PSMD11: variants seen among roughly 807,000 people sequenced by gnomAD.
PSMD11 encodes the protein proteasome 26S subunit, non-ATPase 11.
Under a neutral mutation model 62.3 loss-of-function variants are expected in PSMD11, and 5 were observed. That is an observed-to-expected ratio of 0.08 (90% CI 0.04 to 0.17). The LOEUF (loss-of-function observed/expected upper bound fraction) is 0.17. Among genes scored for constraint, PSMD11 ranks in the 10% least tolerant of loss-of-function variants. PSMD11 has a pLI of 1.00. For synonymous variants in PSMD11, 191 were observed against 191.8 expected, an observed-to-expected ratio of 1.00 and a Z score of 0.03; for missense variants, 310 against 512.9, an observed-to-expected ratio of 0.60 and a Z score of 3.82.
intron 5 of PSMD11, among the ~76,000 whole-genome samples, chr17:32,467,401 A>G (rs1368761160): frequency 1.3e-5 from 2 of 151,362 alleles, no homozygotes; most frequent in Non-Finnish European, 1.5e-5. Flanking sequence ...GTGCACCACC[A>G]TGTCCAGCTA....
chr17:32,448,910 C>T (rs1054223979), intron 2 of PSMD11, among the ~76,000 whole-genome samples: 1 of 152,148 alleles, frequency 6.6e-6, no homozygotes, highest in African/African-American at 2.4e-5. Context: ...TAACTGTCTA[C>T]TTAAATGAAT....
At chr17:32,472,588 A>G (rs1486205909) in intron 6 of PSMD11, among the ~76,000 whole-genome samples, 5 of 147,038 alleles carry the variant, frequency 3.4e-5, no homozygotes, top group Non-Finnish European at 1.5e-5. Flanking sequence ...CCCAAGTTGG[A>G]GTGCTGTGGC....
chr17:32,482,231 G>C lies in PSMD11; in HGVS notation c.*1479G>C, dbSNP rs1413537309. ...TTTTCCTCTCCAAAATCAGGTTTTT[G>C]TTCTCAACATCTTTCCCCATCATGT... On this transcript the variant is annotated 3_prime_UTR_variant, in exon 14 of 14. Transcript: ENST00000261712. 6.6e-6 allele frequency: 1 copy of C among 151,900 alleles called. No individual in the cohort carries two copies. The highest frequency in any genetic ancestry group is 6.6e-5 in the Admixed American group (1 of 15,242). 9.4% of individuals were successfully genotyped at this position (151,900 alleles called of 1,614,324 possible). A position where few individuals can be genotyped will look rare whatever the true frequency, so the allele number is the denominator to read the frequency against.
At chr17:32,450,422 A>ATTTTTTTT (rs58292122) in intron 2 of PSMD11, among the ~76,000 whole-genome samples, 1 of 129,538 alleles carries the variant, frequency 7.7e-6, no homozygotes, top group Non-Finnish European at 1.6e-5. Flanking sequence ...TGCTCGGCTA[A>ATTTTTTTT]TTTTTTTTTT....
At chr17:32,445,970 C>A (rs192966924) in intron 1 of PSMD11, 8 of 152,196 alleles carry the variant, frequency 5.3e-5, no homozygotes, top group African/African-American at 1.9e-4. Context: ...TGAGTACACA[C>A]TATTATTTAG....
intron 7 of PSMD11, 62 bp from the exon 8 acceptor site, chr17:32,474,702 C>G: frequency 1.3e-6 from 2 of 1,549,446 alleles, no homozygotes; most frequent in South Asian, 2.2e-5. Flanking sequence ...AGAAATTTGC[C>G]CAAACCTTCC....
intron 3 of PSMD11, among the ~76,000 whole-genome samples, chr17:32,460,766 A>AC (rs1164768087): frequency 6.6e-6 from 1 of 151,710 alleles, no homozygotes; most frequent in Non-Finnish European, 1.5e-5. Flanking sequence ...AAAAAAAAAA[A>AC]AAAAGACAGA....
chr17:32,454,445 T>C (rs569737552), intron 2 of PSMD11, 50 bp from the exon 3 acceptor site: 1 of 1,599,918 alleles, frequency 6.3e-7, no homozygotes, highest in African/African-American at 1.3e-5. Flanking sequence ...GTGGGTATTT[T>C]GTCTCAAATG....
At chr17:32,476,476 A>C (rs557640618) in intron 8 of PSMD11, among the ~76,000 whole-genome samples, 1 of 152,160 alleles carries the variant, frequency 6.6e-6, no homozygotes, top group African/African-American at 2.4e-5. Flanking sequence ...AGACAAACAC[A>C]CTAATGATTA....
At chr17:32,470,707 T>C (rs1271939602) in intron 6 of PSMD11, among the ~76,000 whole-genome samples, 1 of 152,242 alleles carries the variant, frequency 6.6e-6, no homozygotes, top group South Asian at 2.1e-4. Context: ...TTATTTTATT[T>C]ATTTGTTTTT....
At chr17:32,474,720 G>A (rs376510736) in intron 7 of PSMD11, 44 bp from the exon 8 acceptor site, 28 of 1,589,686 alleles carry the variant, frequency 1.8e-5, no homozygotes, top group Middle Eastern at 1.7e-4. Context: ...TCCTTTAGAA[G>A]CATAACATCT....
chr17:32,471,028 C>T (rs1299476576), intron 6 of PSMD11, among the ~76,000 whole-genome samples: 1 of 152,118 alleles, frequency 6.6e-6, no homozygotes, highest in Admixed American at 6.6e-5. Context: ...GTGTCAGCAG[C>T]GTCATCCTTT....
rs1482844106 is a variant in PSMD11 at position 32,477,803 on chromosome 17, CCTTT to C, written c.912+223_912+226del. 1.8e-5 allele frequency: 6 copies of C among 342,242 alleles called. 1 individual carries two copies. Among genetic ancestry groups the C allele is most frequent in the Non-Finnish European group, 3.1e-5 (6 of 193,012 alleles). The allele number at this position is 342,242 out of a possible 1,614,324, so 21.2% of individuals were successfully genotyped here. A position where few individuals can be genotyped will look rare whatever the true frequency, so the allele number is the denominator to read the frequency against. ...AAATATATATTATTTATACATAATA[CCTTT>C]CTATTTCAAAAGTTCTTTCTGTCCT... On this transcript the variant is annotated intron_variant, in intron 9 of 13. Transcript: ENST00000261712.
intron 2 of PSMD11, among the ~76,000 whole-genome samples, chr17:32,453,117 T>C (rs1907555178): frequency 6.6e-6 from 1 of 152,226 alleles, no homozygotes; most frequent in African/African-American, 2.4e-5. Flanking sequence ...CATTCAGAAT[T>C]GTTCAGGCAC....
At chr17:32,445,972 A>G (rs900331618) in intron 1 of PSMD11, 3 of 152,230 alleles carry the variant, frequency 2.0e-5, no homozygotes, top group African/African-American at 7.2e-5. Flanking sequence ...AGTACACACT[A>G]TTATTTAGAA....
At chr17:32,454,415 AC>A (rs1386123916) in intron 2 of PSMD11, 79 bp from the exon 3 acceptor site, 2 of 1,444,022 alleles carry the variant, frequency 1.4e-6, no homozygotes, top group African/African-American at 2.8e-5. Context: ...GATTTTTATG[AC>A]GTTGGGTCAG....
chr17:32,468,871 A>C, intron 5 of PSMD11, 128 bp from the exon 6 acceptor site: 1 of 828,392 alleles, frequency 1.2e-6, no homozygotes, highest in Non-Finnish European at 1.8e-6. Flanking sequence ...TGGGGTCTAG[A>C]GGTAACCTTT....
At chr17:32,458,586 CT>C (rs1428075763) in intron 3 of PSMD11, among the ~76,000 whole-genome samples, 4 of 152,218 alleles carry the variant, frequency 2.6e-5, no homozygotes, top group African/African-American at 7.2e-5. Flanking sequence ...CTTGCCTTGT[CT>C]CCTTTACTGT....
chr17:32,457,586 G>A (rs915227489), intron 3 of PSMD11, among the ~76,000 whole-genome samples: 1 of 152,060 alleles, frequency 6.6e-6, no homozygotes, highest in South Asian at 2.1e-4. Flanking sequence ...ATGAACCAGA[G>A]TCTTATTCCA....
Sources: gnomAD v4.1 joint callset for allele counts (sites outside exome capture counted in the v4.1 genomes callset) on GRCh38, gnomAD v4.1.1 for gene constraint, MANE v1.5 for transcripts, NCBI Gene and HGNC (gene_info 2026-07-23, HGNC 2026-07-21) for gene names.